The following NUDT3 variants were observed in gnomAD, a reference collection of about 807,000 sequenced individuals.
NUDT3 encodes the protein nudix hydrolase 3, also known as diphosphoinositol polyphosphate phosphohydrolase 1.
NUDT3 carries 9 observed loss-of-function variants against 23.6 expected under a neutral mutation model. That is an observed-to-expected ratio of 0.38 (90% CI 0.23 to 0.66). The LOEUF (loss-of-function observed/expected upper bound fraction) is 0.66, where lower values mean the gene tolerates loss of function less well. Ranked by LOEUF, NUDT3 falls within the 30% of genes least tolerant of loss-of-function variation. The pLI is 0.52. For missense variants in NUDT3, 172 were observed against 218.5 expected (o/e 0.79, Z 1.34); for synonymous variants, 86 against 82.6 (o/e 1.04, Z -0.22).
intron 2 of NUDT3, among the ~76,000 whole-genome samples, chr6:34,297,730 AATAT>A (rs139306311): frequency 0.38 from 27,167 of 71,344 alleles, 4,698 homozygotes; most frequent in Non-Finnish European, 0.41. Flanking sequence ...AAAAAAAAAA[AATAT>A]ATATATATAT....
At chr6:34,382,651 A>G (rs750247560) in intron 1 of NUDT3, among the ~76,000 whole-genome samples, 4 of 151,862 alleles carry the variant, frequency 2.6e-5, no homozygotes, top group African/African-American at 7.3e-5. Flanking sequence ...CCTGAGCAAC[A>G]TAGCAAGACC....
At chr6:34,315,517 T>G (rs1040833791) in intron 2 of NUDT3, among the ~76,000 whole-genome samples, 3 of 152,240 alleles carry the variant, frequency 2.0e-5, no homozygotes, top group Admixed American at 2.0e-4. Context: ...CATCTCACTA[T>G]TCAATGGCAT....
At chr6:34,373,711 G>A (rs1764874119) in intron 1 of NUDT3, among the ~76,000 whole-genome samples, 1 of 152,192 alleles carries the variant, frequency 6.6e-6, no homozygotes, top group African/African-American at 2.4e-5. Flanking sequence ...CTGGTGCTGG[G>A]ATTCGTGATC....
chr6:34,288,695 GA>G lies in NUDT3; in HGVS notation c.*57del. The G allele has an allele frequency of 6.4e-7, 1 of 1,554,950 alleles. No homozygotes were observed. The highest frequency in any genetic ancestry group is 1.2e-5 in the South Asian group (1 of 80,880). On this transcript the variant is annotated 3_prime_UTR_variant, in exon 5 of 5. Coordinates refer to ENST00000607016, the MANE Select transcript of NUDT3 (RefSeq NM_006703.4). ...AAGTGGAAAGAGCCAGGGTGAGAGG[GA>G]AGATTTGCACTTCAGTCTAGTTTCC...
chr6:34,339,181 G>A (rs1764253525), intron 2 of NUDT3, among the ~76,000 whole-genome samples: 1 of 152,168 alleles, frequency 6.6e-6, no homozygotes, highest in African/African-American at 2.4e-5. Context: ...CTCAGAACAC[G>A]CCCTCCTTGT....
chr6:34,290,203 G>T (rs545896231), intron 4 of NUDT3, among the ~76,000 whole-genome samples: 3 of 151,678 alleles, frequency 2.0e-5, no homozygotes, highest in Middle Eastern at 6.8e-3. Context: ...TTTGTTACTG[G>T]TTTTTACTTC....
intron 1 of NUDT3, among the ~76,000 whole-genome samples, chr6:34,348,695 G>T (rs1311341087): frequency 6.6e-6 from 1 of 151,972 alleles, no homozygotes; most frequent in African/African-American, 2.4e-5. Flanking sequence ...AGAATGGTGT[G>T]AACCCGGGAG....
intron 2 of NUDT3, among the ~76,000 whole-genome samples, chr6:34,326,792 G>A (rs575181048): frequency 6.6e-6 from 1 of 152,040 alleles, no homozygotes; most frequent in East Asian, 1.9e-4. Context: ...GTAGAGACAG[G>A]GTTTCACCAT....
At chr6:34,336,069 G>C (rs1581873470) in intron 2 of NUDT3, among the ~76,000 whole-genome samples, 1 of 152,044 alleles carries the variant, frequency 6.6e-6, no homozygotes, top group African/African-American at 2.4e-5. Flanking sequence ...AGGAGTTTTA[G>C]ACCAGCCTGG....
At chr6:34,357,139 A>G (rs1391413416) in intron 1 of NUDT3, among the ~76,000 whole-genome samples, 1 of 152,196 alleles carries the variant, frequency 6.6e-6, no homozygotes, top group African/African-American at 2.4e-5. Context: ...AAAATTACAG[A>G]TAAAATCATA....
intron 1 of NUDT3, among the ~76,000 whole-genome samples, chr6:34,356,729 T>C (rs1009748319): frequency 1.4e-4 from 21 of 152,240 alleles, no homozygotes; most frequent in African/African-American, 4.8e-4. Context: ...AATCATTTAT[T>C]TTGTGTTTTC....
Position 34,392,356 on chromosome 6 carries a change from T to C in NUDT3, c.7A>G (p.Lys3Glu). The change falls in exon 1 of 5, where the codon AAG becomes GAG. Residue 3 changes from lysine to glutamate, a missense_variant. Lys to Glu is a moderately conservative substitution (Grantham distance 56). Around this residue, in one of 3 missense-constraint regions of NUDT3, gnomAD observed 50 missense variants for 46.2 expected, o/e 1.08. Coordinates refer to ENST00000607016, the MANE Select transcript of NUDT3 (RefSeq NM_006703.4). ...GTGCGGGTCTGGTTCGACTTGAGCTTCATCATCCTCCGGGCCCGGGTGGGG... is the reference window on the plus strand; with the variant it reads ...GTGCGGGTCTGGTTCGACTTGAGCTCCATCATCCTCCGGGCCCGGGTGGGG... MMKLKSNQTRTYD... is the reference protein window; with the variant it reads MMELKSNQTRTYD... The C allele has an allele frequency of 6.2e-7, 1 of 1,601,958 alleles. No homozygotes were observed. Among genetic ancestry groups the C allele is most frequent in the Non-Finnish European group, 8.5e-7 (1 of 1,175,810 alleles).
At chr6:34,331,139 G>C (rs1049850218) in intron 2 of NUDT3, among the ~76,000 whole-genome samples, 9 of 152,188 alleles carry the variant, frequency 5.9e-5, no homozygotes, top group Non-Finnish European at 1.2e-4. Context: ...ATAAGGGTGA[G>C]CCACCGCACC....
At chr6:34,329,815 G>A (rs1581869588) in intron 2 of NUDT3, among the ~76,000 whole-genome samples, 1 of 151,988 alleles carries the variant, frequency 6.6e-6, no homozygotes, top group East Asian at 1.9e-4. Flanking sequence ...CCACCCCATG[G>A]CAGGCCCTGG....
chr6:34,313,541 G>A (rs549271341), intron 2 of NUDT3, among the ~76,000 whole-genome samples: 6 of 152,258 alleles, frequency 3.9e-5, no homozygotes, highest in East Asian at 1.9e-4. Flanking sequence ...TACATTGACC[G>A]TAGCAAATGT....
rs749954615 is a variant in NUDT3 at position 34,341,850 on chromosome 6, C to T, written c.210+12G>A. 6.2e-7 allele frequency: 1 copy of T among 1,612,650 alleles called. No homozygotes were observed. Among genetic ancestry groups the T allele is most frequent in the Non-Finnish European group, 8.5e-7 (1 of 1,179,096 alleles). ...ACGAGGCACAGCTGTGCCCTCTCTT[C>T]TCCATGCATACCTCCTCACAGACTT... On this transcript the variant is annotated intron_variant, in intron 2 of 4. Transcript: ENST00000607016.
intron 4 of NUDT3, among the ~76,000 whole-genome samples, chr6:34,292,746 A>G (rs1581846784): frequency 1.3e-5 from 2 of 152,152 alleles, no homozygotes; most frequent in Non-Finnish European, 2.9e-5. Context: ...CAACAATATA[A>G]ATGTCATGAG....
At chr6:34,351,198 T>TAAAGAAAAAAAAAAAAAAAAAAAAAAAA (rs1764462821) in intron 1 of NUDT3, among the ~76,000 whole-genome samples, 1 of 17,894 alleles carries the variant, frequency 5.6e-5, no homozygotes, top group Non-Finnish European at 1.1e-4. Flanking sequence ...CTCCCCTGCC[T>TAAAGAAAAAAAAAAAAAAAAAAAAAAAA]AAAAAAAAAA....
chr6:34,354,899 T>C (rs1764539708), intron 1 of NUDT3, among the ~76,000 whole-genome samples: 1 of 151,424 alleles, frequency 6.6e-6, no homozygotes, highest in Non-Finnish European at 1.5e-5. Flanking sequence ...ATTCACTTAT[T>C]TGTTCATTTG....
Sources: allele counts gnomAD v4.1 joint callset (sites outside exome capture counted in the v4.1 genomes callset), GRCh38; gene constraint gnomAD v4.1.1; regional missense constraint gnomAD v4.1.1; transcripts MANE v1.5; gene names NCBI Gene and HGNC (gene_info 2026-07-23, HGNC 2026-07-21).